NBAS: variants seen among roughly 807,000 people sequenced by gnomAD.
NBAS encodes NBAS subunit of NRZ tethering complex, also known as NAG/BC035112 fusion.
A neutral mutation model predicts 302.5 loss-of-function variants in NBAS; 219 were observed. The ratio of observed to expected loss-of-function variants is 0.72; its 90% CI spans 0.65 to 0.81. The LOEUF (loss-of-function observed/expected upper bound fraction) is 0.81, where lower values mean the gene tolerates loss of function less well. Among genes scored for constraint, NBAS ranks in the 30% least tolerant of loss-of-function variants. NBAS has a pLI of 0.00. For missense variants in NBAS, 2,932 were observed against 2,841.6 expected (o/e 1.03, Z -0.72); for synonymous variants, 1,118 against 1,021.6 (o/e 1.09, Z -1.80).
chr2:15,477,984 G>A (rs1680261000), intron 13 of NBAS, among the ~76,000 whole-genome samples: 4 of 134,086 alleles, frequency 3.0e-5, no homozygotes, highest in East Asian at 2.0e-4. Flanking sequence ...AAAGGAGCAC[G>A]CTTCTAAGCA....
At chr2:15,192,452 T>C (rs1164284118) in intron 48 of NBAS, among the ~76,000 whole-genome samples, 2 of 152,118 alleles carry the variant, frequency 1.3e-5, no homozygotes. Flanking sequence ...GCTGGTTTCA[T>C]TATTAGAGAT....
chr2:15,025,856 C>T, the NBAS span, among the ~76,000 whole-genome samples: 2 of 152,084 alleles, frequency 1.3e-5, no homozygotes, highest in African/African-American at 2.4e-5. Flanking sequence ...GCTCAAGTAG[C>T]GTTTGAGCAG....
At chr2:14,812,973 A>C in the NBAS span, among the ~76,000 whole-genome samples, 11 of 152,042 alleles carry the variant, frequency 7.2e-5, no homozygotes, top group African/African-American at 2.7e-4. Flanking sequence ...AGTGTGTAGC[A>C]CTTCCGCCTT....
intron 25 of NBAS, among the ~76,000 whole-genome samples, chr2:15,407,782 T>C (rs1039279465): frequency 6.6e-6 from 1 of 152,210 alleles, no homozygotes; most frequent in Admixed American, 6.5e-5. Context: ...TACCACGAAC[T>C]TGGTGACCTA....
the NBAS span, among the ~76,000 whole-genome samples, chr2:14,782,884 C>G: frequency 1.3e-5 from 2 of 152,226 alleles, no homozygotes; most frequent in East Asian, 3.9e-4. Context: ...CATGTTTTCA[C>G]TTACAAGTGG....
At chr2:15,094,896 T>C in the NBAS span, among the ~76,000 whole-genome samples, 1 of 152,188 alleles carries the variant, frequency 6.6e-6, no homozygotes, top group Admixed American at 6.5e-5. Context: ...CTGGCCAAAT[T>C]TGAAAGAGCA....
intron 48 of NBAS, among the ~76,000 whole-genome samples, chr2:15,213,820 A>C (rs912285942): frequency 6.6e-6 from 1 of 152,212 alleles, no homozygotes; most frequent in African/African-American, 2.4e-5. Flanking sequence ...AACTCTCAAC[A>C]TCTCCAAATA....
At chr2:15,368,301 G>A (rs946464700) in intron 31 of NBAS, among the ~76,000 whole-genome samples, 7 of 146,566 alleles carry the variant, frequency 4.8e-5, no homozygotes, top group Non-Finnish European at 1.0e-4. Flanking sequence ...CCAGGTTCAA[G>A]CGATTCTTCT....
chr2:14,880,262 T>A, the NBAS span, among the ~76,000 whole-genome samples: 1 of 152,148 alleles, frequency 6.6e-6, no homozygotes, highest in Non-Finnish European at 1.5e-5. Flanking sequence ...TCAGAAAATC[T>A]AAGACCTTTT....
the NBAS span, among the ~76,000 whole-genome samples, chr2:14,915,372 T>G: frequency 6.6e-6 from 1 of 152,186 alleles, no homozygotes; most frequent in Non-Finnish European, 1.5e-5. Context: ...TTCTCCCTTA[T>G]GAGCTGCGTG....
At chr2:15,157,302 G>T in the NBAS span, among the ~76,000 whole-genome samples, 1 of 152,272 alleles carries the variant, frequency 6.6e-6, no homozygotes, top group South Asian at 2.1e-4. Flanking sequence ...GGTGACTTGT[G>T]TAATTTATTA....
the NBAS span, among the ~76,000 whole-genome samples, chr2:15,138,646 G>A: frequency 6.6e-6 from 1 of 151,924 alleles, no homozygotes; most frequent in Non-Finnish European, 1.5e-5. Flanking sequence ...CCTCAGAATG[G>A]AGTCCACAGA....
intron 50 of NBAS, among the ~76,000 whole-genome samples, chr2:15,184,641 G>A (rs1251265611): frequency 1.3e-5 from 2 of 152,182 alleles, no homozygotes; most frequent in Non-Finnish European, 1.5e-5. Context: ...AAATACAGAT[G>A]AAGCTTCACT....
chr2:15,038,938 T>C, the NBAS span, among the ~76,000 whole-genome samples: 2 of 152,234 alleles, frequency 1.3e-5, no homozygotes, highest in African/African-American at 4.8e-5. Flanking sequence ...ATTTAGACCC[T>C]GAGGCATCAT....
the NBAS span, among the ~76,000 whole-genome samples, chr2:14,937,007 G>A: frequency 6.6e-6 from 1 of 152,164 alleles, no homozygotes; most frequent in East Asian, 1.9e-4. Flanking sequence ...ATTATAAAAT[G>A]GATGTGTTAA....
chr2:15,179,455 G>C, intron 50 of NBAS: 1 of 290,992 alleles, frequency 3.4e-6, no homozygotes, highest in East Asian at 7.9e-5. Flanking sequence ...TGTATTTATA[G>C]CTCCTTTGCA....
intron 40 of NBAS, among the ~76,000 whole-genome samples, chr2:15,296,059 C>G (rs1040026679): frequency 7.9e-5 from 12 of 152,160 alleles, no homozygotes; most frequent in African/African-American, 2.9e-4. Flanking sequence ...AAACAATTCA[C>G]AGAAGGCATC....
At chr2:14,862,142 A>ATT in the NBAS span, among the ~76,000 whole-genome samples, 3 of 144,928 alleles carry the variant, frequency 2.1e-5, no homozygotes, top group South Asian at 6.6e-4. Context: ...TTATTTAAGC[A>ATT]TTTTTTTTTT....
At chr2:14,874,238 T>A in the NBAS span, among the ~76,000 whole-genome samples, 93 of 152,220 alleles carry the variant, frequency 6.1e-4, no homozygotes, top group Middle Eastern at 3.4e-3. Flanking sequence ...AAATAAATAA[T>A]AGTAATTCTA....
Sources: allele counts gnomAD v4.1 joint callset (sites outside exome capture counted in the v4.1 genomes callset), GRCh38; gene constraint gnomAD v4.1.1; transcripts MANE v1.5; gene names NCBI Gene and HGNC (gene_info 2026-07-23, HGNC 2026-07-21).